The following RNF11 variants were observed in gnomAD, a reference collection of about 807,000 sequenced individuals.
RNF11 encodes ring finger protein 11.
RNF11 carries 4 observed loss-of-function variants against 15.8 expected under a neutral mutation model. That is an observed-to-expected ratio of 0.25 (90% CI 0.12 to 0.58). The LOEUF (loss-of-function observed/expected upper bound fraction) is 0.58, where lower values mean the gene tolerates loss of function less well. Ranked by LOEUF, RNF11 falls within the 20% of genes least tolerant of loss-of-function variation. The pLI is 0.91. For missense variants in RNF11, 139 were observed against 194.4 expected (o/e 0.71, Z 1.70); for synonymous variants, 68 against 72.3 (o/e 0.94, Z 0.30).
chr1:51,241,326 T>TATTC (rs1405691483), intron 1 of RNF11, among the ~76,000 whole-genome samples: 2 of 152,188 alleles, frequency 1.3e-5, no homozygotes, highest in Non-Finnish European at 2.9e-5. Context: ...GGGCAGTAGC[T>TATTC]ATTCACAGGT....
intron 1 of RNF11, among the ~76,000 whole-genome samples, chr1:51,264,637 C>T (rs1437399709): frequency 1.3e-5 from 2 of 152,114 alleles, no homozygotes; most frequent in African/African-American, 4.8e-5. Flanking sequence ...GCTCTTATTT[C>T]CTACTGGAGG....
At chr1:51,257,541 G>GC (rs1177512586) in intron 1 of RNF11, among the ~76,000 whole-genome samples, 1 of 152,054 alleles carries the variant, frequency 6.6e-6, no homozygotes, top group African/African-American at 2.4e-5. Context: ...TGCAACCTCT[G>GC]CCCCCTCCGA....
At chr1:51,239,199 C>G (rs529505955) in intron 1 of RNF11, among the ~76,000 whole-genome samples, 5 of 152,244 alleles carry the variant, frequency 3.3e-5, no homozygotes, top group East Asian at 1.9e-4. Flanking sequence ...TTGACTTGTT[C>G]TCTTTCTCCT....
chr1:51,259,352 G>T (rs1469665498), intron 1 of RNF11, among the ~76,000 whole-genome samples: 1 of 152,176 alleles, frequency 6.6e-6, no homozygotes, highest in Non-Finnish European at 1.5e-5. Flanking sequence ...AATTAAGTTT[G>T]TTTCTTCAAC....
chr1:51,257,222 A>T (rs1646907780), intron 1 of RNF11, among the ~76,000 whole-genome samples: 1 of 152,174 alleles, frequency 6.6e-6, no homozygotes, highest in African/African-American at 2.4e-5. Flanking sequence ...CTCTGGTAAA[A>T]GTTTCTCCCA....
chr1:51,248,294 G>T (rs1298091222), intron 1 of RNF11, among the ~76,000 whole-genome samples: 1 of 149,696 alleles, frequency 6.7e-6, no homozygotes, highest in African/African-American at 2.5e-5. Context: ...TGCAACCTCT[G>T]CCTCCTGGGT....
At chr1:51,259,278 G>A (rs1646919235) in intron 1 of RNF11, among the ~76,000 whole-genome samples, 1 of 152,132 alleles carries the variant, frequency 6.6e-6, no homozygotes, top group Non-Finnish European at 1.5e-5. Flanking sequence ...TGTCAGTATT[G>A]CCCAGGTTGA....
intron 1 of RNF11, among the ~76,000 whole-genome samples, chr1:51,249,428 A>G (rs1485094134): frequency 6.6e-6 from 1 of 152,174 alleles, no homozygotes; most frequent in Non-Finnish European, 1.5e-5. Flanking sequence ...GTGCACTTGC[A>G]AAATATAGCC....
At chr1:51,254,940 GA>G (rs568575944) in intron 1 of RNF11, among the ~76,000 whole-genome samples, 1 of 152,008 alleles carries the variant, frequency 6.6e-6, no homozygotes, top group Non-Finnish European at 1.5e-5. Context: ...TACTCTGGGA[GA>G]AAAAAACATA....
At chr1:51,239,800 T>C (rs569997030) in intron 1 of RNF11, among the ~76,000 whole-genome samples, 12 of 152,244 alleles carry the variant, frequency 7.9e-5, no homozygotes, top group Non-Finnish European at 1.6e-4. Flanking sequence ...TAAAGGAACA[T>C]GTTCTCTTGA....
At chr1:51,241,575 A>T (rs183824436) in intron 1 of RNF11, among the ~76,000 whole-genome samples, 3 of 152,366 alleles carry the variant, frequency 2.0e-5, no homozygotes, top group African/African-American at 7.2e-5. Context: ...TATTTATGTA[A>T]TGGGAAAGTA....
intron 1 of RNF11, among the ~76,000 whole-genome samples, chr1:51,242,800 G>C (rs945956165): frequency 4.6e-5 from 7 of 152,112 alleles, no homozygotes; most frequent in Non-Finnish European, 7.4e-5. Flanking sequence ...GATAACTTAC[G>C]AAGTTAAATT....
intron 1 of RNF11, among the ~76,000 whole-genome samples, chr1:51,267,283 C>T (rs986837905): frequency 2.0e-5 from 3 of 152,094 alleles, no homozygotes; most frequent in African/African-American, 2.4e-5. Flanking sequence ...CAGCTGGGGA[C>T]GAAACACAGT....
chr1:51,254,528 C>T lies in RNF11; in HGVS notation c.124-15428C>T, dbSNP rs532387110. 5.9e-5 allele frequency among the ~76,000 whole-genome samples: 9 copies of T among 152,074 alleles called. No homozygotes were observed. In the South Asian group the frequency reaches 1.0e-3, roughly 18 times the overall value. ...AGGTTGGAGTGCAGTGGCAGGATCT[C>T]GGCTCACTGCAAGCTCCATCCCCTG... On this transcript the variant is annotated intron_variant, in intron 1 of 2. Coordinates refer to ENST00000242719, the MANE Select transcript of RNF11 (RefSeq NM_014372.5).
rs188869978 is a variant in RNF11, at chr1:51,266,008, C to T, written c.124-3948C>T. On this transcript the variant is annotated intron_variant, in intron 1 of 2. Coordinates refer to ENST00000242719, the MANE Select transcript of RNF11 (RefSeq NM_014372.5). ...CTGGGATAACAGAGCTAAATGACTG[C>T]ATCTGGCCTCCAACCCTTTATTAAG... 2.6e-5 allele frequency: 4 copies of T among 152,214 alleles called. No individual in the cohort carries two copies. The East Asian group carries it at 7.7e-4, about 29-fold the overall frequency. The allele number at this position is 152,214 out of a possible 1,614,324, so 9.4% of individuals were successfully genotyped here. A position where few individuals can be genotyped will look rare whatever the true frequency, so the allele number is the denominator to read the frequency against.
intron 1 of RNF11, among the ~76,000 whole-genome samples, chr1:51,252,596 CGGGAGTGAAACCCTGTCTCAAAAAAAAGA>C (rs1303483621): frequency 6.6e-6 from 1 of 151,896 alleles, no homozygotes; most frequent in Non-Finnish European, 1.5e-5. Flanking sequence ...GCCTGGGTAA[CGGGAGTGAAACCCTGTCTCAAAAAAAAGA>C]AAAATTATAT....
chr1:51,245,082 A>ATATGT, intron 1 of RNF11, among the ~76,000 whole-genome samples: 1 of 152,192 alleles, frequency 6.6e-6, no homozygotes, highest in African/African-American at 2.4e-5. Context: ...TTTCTTTGAG[A>ATATGT]CATAATCTTA....
intron 1 of RNF11, among the ~76,000 whole-genome samples, chr1:51,268,195 C>T (rs1170792753): frequency 6.6e-6 from 1 of 152,148 alleles, no homozygotes; most frequent in Non-Finnish European, 1.5e-5. Context: ...CATTTTAAAA[C>T]AAGTATCATG....
intron 1 of RNF11, among the ~76,000 whole-genome samples, chr1:51,255,376 C>A (rs138079186): frequency 2.2e-4 from 34 of 152,340 alleles, no homozygotes; most frequent in African/African-American, 7.2e-4. Context: ...CCACCTGCCT[C>A]AGCCTCCTGA....
Sources: gnomAD v4.1 joint callset for allele counts (sites outside exome capture counted in the v4.1 genomes callset) on GRCh38, gnomAD v4.1.1 for gene constraint, MANE v1.5 for transcripts, NCBI Gene and HGNC (gene_info 2026-07-23, HGNC 2026-07-21) for gene names.